The following NRXN3 variants were observed in gnomAD, a reference collection of about 807,000 sequenced individuals.
NRXN3 encodes neurexin 3.
Under a neutral mutation model 137.6 loss-of-function variants are expected in NRXN3, and 32 were observed. The observed-to-expected ratio is 0.23, with a 90% CI of 0.18 to 0.31. The LOEUF (loss-of-function observed/expected upper bound fraction) is 0.31, where lower values mean the gene tolerates loss of function less well. NRXN3 is among the 10% of genes least tolerant of loss of function. The pLI is 1.00. For missense variants in NRXN3, 1,574 were observed against 2,062.5 expected (o/e 0.76, Z 4.59); for synonymous variants, 798 against 784.5 (o/e 1.02, Z -0.29).
At chr14:79,714,528 T>C (rs1028714903) in intron 19 of NRXN3, among the ~76,000 whole-genome samples, 62 of 152,174 alleles carry the variant, frequency 4.1e-4, no homozygotes, top group African/African-American at 1.4e-3. Flanking sequence ...GCATAATTTA[T>C]TTTGACTCAA....
chr14:78,700,571 G>T (rs1171595238), intron 6 of NRXN3, among the ~76,000 whole-genome samples: 1 of 152,118 alleles, frequency 6.6e-6, no homozygotes, highest in Non-Finnish European at 1.5e-5. Flanking sequence ...CTATCTCGGA[G>T]AACTACACCC....
At chr14:78,826,442 T>C (rs2098966886) in intron 10 of NRXN3, among the ~76,000 whole-genome samples, 1 of 152,154 alleles carries the variant, frequency 6.6e-6, no homozygotes, top group African/African-American at 2.4e-5. Context: ...TCATGTTCCA[T>C]TGTGCCATTG....
At chr14:78,551,589 C>A (rs1157654596) in intron 4 of NRXN3, among the ~76,000 whole-genome samples, 3 of 151,522 alleles carry the variant, frequency 2.0e-5, no homozygotes, top group African/African-American at 4.8e-5. Flanking sequence ...CCTCCCCTCT[C>A]ATTTCCCTTC....
Position 79,768,825 on chromosome 14 carries a change from G to A in NRXN3, c.4015-36287G>A, listed in dbSNP as rs538694955. ...AAGCTTCAGACAATCAAATTACTCT[G>A]AGCTACGGGAGGACATTCAAACCAA... On this transcript the variant is annotated intron_variant, in intron 19 of 20. Transcript: ENST00000335750. Among the ~76,000 whole-genome samples, 475 of 152,196 alleles carry A rather than the reference G, an allele frequency of 3.1e-3. 6 individuals are homozygous for A. Among genetic ancestry groups the A allele is most frequent in the African/African-American group, 0.011 (443 of 41,512 alleles).
intron 8 of NRXN3, among the ~76,000 whole-genome samples, chr14:78,719,163 T>C (rs1367032540): frequency 6.6e-6 from 1 of 152,224 alleles, no homozygotes; most frequent in East Asian, 1.9e-4. Context: ...CCTGAATGGC[T>C]TTTTCTAAAC....
chr14:79,184,895 C>T (rs904519322), intron 15 of NRXN3, among the ~76,000 whole-genome samples: 3 of 152,108 alleles, frequency 2.0e-5, no homozygotes, highest in African/African-American at 4.8e-5. Context: ...GTTAAGGGTA[C>T]TGCACAAATA....
At chr14:79,149,281 AC>A (rs2059583221) in intron 15 of NRXN3, among the ~76,000 whole-genome samples, 1 of 151,586 alleles carries the variant, frequency 6.6e-6, no homozygotes, top group African/African-American at 2.4e-5. Flanking sequence ...ACCTGGCATC[AC>A]CATTCCATAG....
intron 4 of NRXN3, among the ~76,000 whole-genome samples, chr14:78,479,817 C>T (rs1316915794): frequency 1.3e-5 from 2 of 152,044 alleles, no homozygotes; most frequent in Non-Finnish European, 2.9e-5. Context: ...GATTGGATTG[C>T]ATTAGGTACC....
At chr14:79,303,233 A>G (rs1306880719) in intron 15 of NRXN3, among the ~76,000 whole-genome samples, 1 of 151,992 alleles carries the variant, frequency 6.6e-6, no homozygotes, top group Non-Finnish European at 1.5e-5. Flanking sequence ...TCTTGTCTAG[A>G]TCTTCTTTGG....
At chr14:79,446,435 C>T (rs1041573841) in intron 15 of NRXN3, among the ~76,000 whole-genome samples, 3 of 152,096 alleles carry the variant, frequency 2.0e-5, no homozygotes, top group Non-Finnish European at 2.9e-5. Flanking sequence ...TTCCTAGAGA[C>T]TCTGATTTCC....
chr14:79,671,367 C>G (rs1296781839), intron 17 of NRXN3, among the ~76,000 whole-genome samples: 2 of 152,044 alleles, frequency 1.3e-5, no homozygotes, highest in African/African-American at 4.8e-5. Context: ...TAGAATTTTT[C>G]TCTCAAGTTA....
chr14:79,274,819 G>A (rs1450712840), intron 15 of NRXN3, among the ~76,000 whole-genome samples: 1 of 152,032 alleles, frequency 6.6e-6, no homozygotes, highest in East Asian at 1.9e-4. Context: ...CCAAACTCCT[G>A]ATATCCCTAT....
chr14:78,963,452 C>T (rs1488905000), intron 11 of NRXN3, among the ~76,000 whole-genome samples: 3 of 152,184 alleles, frequency 2.0e-5, no homozygotes, highest in Non-Finnish European at 4.4e-5. Flanking sequence ...GACTCCCCCT[C>T]CCCATCATTT....
chr14:78,338,453 T>TG (rs1376365732), intron 4 of NRXN3, among the ~76,000 whole-genome samples: 1 of 152,102 alleles, frequency 6.6e-6, no homozygotes, highest in Admixed American at 6.6e-5. Flanking sequence ...GGTGGGGGAA[T>TG]GGGGACTCTT....
intron 19 of NRXN3, among the ~76,000 whole-genome samples, chr14:79,753,031 C>T (rs1475861467): frequency 3.3e-5 from 5 of 151,086 alleles, no homozygotes; most frequent in African/African-American, 7.3e-5. Flanking sequence ...TACCATCTCA[C>T]ACCAGTTAGA....
intron 20 of NRXN3, among the ~76,000 whole-genome samples, chr14:79,849,941 A>G (rs999253325): frequency 6.6e-6 from 1 of 152,186 alleles, no homozygotes; most frequent in African/African-American, 2.4e-5. Context: ...GACAACAGCA[A>G]TCCTCACATC....
chr14:79,630,303 T>G (rs968471686), intron 16 of NRXN3, among the ~76,000 whole-genome samples: 13 of 152,192 alleles, frequency 8.5e-5, no homozygotes, highest in East Asian at 1.9e-4. Context: ...ACTTTGAGCC[T>G]GTTCATTTTT....
chr14:79,538,875 G>A (rs2097242822), intron 16 of NRXN3, among the ~76,000 whole-genome samples: 1 of 152,136 alleles, frequency 6.6e-6, no homozygotes. Flanking sequence ...ATGCTTATAT[G>A]CTTCTCATTC....
intron 10 of NRXN3, among the ~76,000 whole-genome samples, chr14:78,940,085 A>G (rs1270900457): frequency 6.6e-6 from 1 of 152,064 alleles, no homozygotes; most frequent in Non-Finnish European, 1.5e-5. Flanking sequence ...GGTTCTTAAA[A>G]TCTCCTCCTG....
Sources: gnomAD v4.1 joint callset for allele counts (sites outside exome capture counted in the v4.1 genomes callset) on GRCh38, gnomAD v4.1.1 for gene constraint, MANE v1.5 for transcripts, NCBI Gene and HGNC (gene_info 2026-07-23, HGNC 2026-07-21) for gene names.